RBFOX1: variants seen among roughly 807,000 people sequenced by gnomAD.
The protein encoded by RBFOX1 is RNA binding protein fox-1 homolog 1.
Under a neutral mutation model 57.7 loss-of-function variants are expected in RBFOX1, and 8 were observed. The ratio of observed to expected loss-of-function variants is 0.14; its 90% CI spans 0.08 to 0.25. RBFOX1 has a LOEUF of 0.25. Ranked by LOEUF, RBFOX1 falls within the 10% of genes least tolerant of loss-of-function variation. The pLI, the probability that RBFOX1 is intolerant of heterozygous loss-of-function variation, is 1.00. For missense variants in RBFOX1, 611 were observed against 548.5 expected, an observed-to-expected ratio of 1.11 and a Z score of -1.14; for synonymous variants, 326 against 222.4, an observed-to-expected ratio of 1.47 and a Z score of -4.15.
chr16:5,451,140 A>G (rs1404235537), intron 1 of RBFOX1, among the ~76,000 whole-genome samples: 1 of 152,206 alleles, frequency 6.6e-6, no homozygotes, highest in Non-Finnish European at 1.5e-5. Flanking sequence ...CTGTTGAACA[A>G]TATGGAGTCT....
chr16:6,744,573 G>T (rs910983786), intron 3 of RBFOX1, among the ~76,000 whole-genome samples: 2 of 152,086 alleles, frequency 1.3e-5, no homozygotes, highest in East Asian at 3.9e-4. Context: ...TGGAGAATAA[G>T]CCACACTTTA....
intron 4 of RBFOX1, among the ~76,000 whole-genome samples, chr16:7,469,505 C>G (rs2061168632): frequency 6.6e-6 from 1 of 152,244 alleles, no homozygotes; most frequent in Middle Eastern, 3.4e-3. Context: ...CTTCATATCT[C>G]AGCTTGCATG....
intron 3 of RBFOX1, among the ~76,000 whole-genome samples, chr16:6,761,303 G>A (rs951714620): frequency 2.6e-5 from 4 of 152,042 alleles, no homozygotes; most frequent in African/African-American, 7.2e-5. Context: ...TTGGATATTT[G>A]GTTGAAGCCT....
chr16:5,798,584 C>T (rs1049508632), intron 3 of RBFOX1, among the ~76,000 whole-genome samples: 5 of 152,284 alleles, frequency 3.3e-5, no homozygotes, highest in African/African-American at 9.6e-5. Flanking sequence ...ATTGTTAGGG[C>T]AACAGGAACT....
intron 1 of RBFOX1, among the ~76,000 whole-genome samples, chr16:6,219,299 T>C (rs934926291): frequency 1.3e-5 from 2 of 151,984 alleles, no homozygotes; most frequent in African/African-American, 4.8e-5. Flanking sequence ...GGAGACTGCA[T>C]CACTGCAAAA....
At chr16:7,703,669 T>C (rs1261482457) in intron 14 of RBFOX1, among the ~76,000 whole-genome samples, 10 of 152,208 alleles carry the variant, frequency 6.6e-5, no homozygotes, top group Non-Finnish European at 1.2e-4. Context: ...TAGGTGTACA[T>C]AGTACTTCTT....
intron 2 of RBFOX1, among the ~76,000 whole-genome samples, chr16:6,403,722 C>T (rs1026530959): frequency 2.6e-5 from 4 of 152,122 alleles, no homozygotes; most frequent in Non-Finnish European, 5.9e-5. Flanking sequence ...CTGGAGAGGA[C>T]ACCGAAGGAC....
chr16:6,284,451 C>A (rs1032519366), intron 1 of RBFOX1, among the ~76,000 whole-genome samples: 1 of 152,130 alleles, frequency 6.6e-6, no homozygotes, highest in South Asian at 2.1e-4. Flanking sequence ...CATTCACAAC[C>A]AGTGTTGAGG....
chr16:5,291,261 G>GTTTTTTT (rs71142610), intron 1 of RBFOX1, among the ~76,000 whole-genome samples: 2 of 118,812 alleles, frequency 1.7e-5, no homozygotes, highest in African/African-American at 3.3e-5. Flanking sequence ...TTTATCATTG[G>GTTTTTTT]TTTTTTTTTT....
At chr16:6,920,893 A>G (rs1252121537) in intron 3 of RBFOX1, among the ~76,000 whole-genome samples, 2 of 152,182 alleles carry the variant, frequency 1.3e-5, no homozygotes, top group African/African-American at 2.4e-5. Flanking sequence ...ACATTCACTG[A>G]TATCAGGGAT....
chr16:6,658,928 G>GTTTTTTTTTTTTTTTT (rs981949678), intron 3 of RBFOX1, among the ~76,000 whole-genome samples: 1 of 87,564 alleles, frequency 1.1e-5, no homozygotes, highest in Non-Finnish European at 2.5e-5. Context: ...TTGTTTTTTG[G>GTTTTTTTTTTTTTTTT]TTTTTTTGTT....
intron 1 of RBFOX1, among the ~76,000 whole-genome samples, chr16:6,186,045 C>T (rs1161613503): frequency 6.6e-6 from 1 of 152,132 alleles, no homozygotes; most frequent in African/African-American, 2.4e-5. Flanking sequence ...GTGTTTCTTG[C>T]AACGGAAGTA....
intron 4 of RBFOX1, chr16:7,510,121 C>G (rs968860192): frequency 3.0e-6 from 3 of 985,654 alleles, no homozygotes; most frequent in African/African-American, 3.5e-5. Flanking sequence ...TGGGAGCAGT[C>G]AGATGTTGAG....
At chr16:6,027,011 A>G (rs748319730) in intron 1 of RBFOX1, among the ~76,000 whole-genome samples, 21 of 152,252 alleles carry the variant, frequency 1.4e-4, no homozygotes, top group Non-Finnish European at 2.2e-4. Context: ...CTTTGCCAGC[A>G]TAATGGATGA....
At chr16:5,621,808 G>C (rs2048208872) in intron 3 of RBFOX1, among the ~76,000 whole-genome samples, 1 of 152,134 alleles carries the variant, frequency 6.6e-6, no homozygotes, top group Admixed American at 6.5e-5. Flanking sequence ...TTTGGATTTG[G>C]TGCAAATGTG....
At chr16:6,651,484 C>A (rs1300974901) in intron 2 of RBFOX1, among the ~76,000 whole-genome samples, 1 of 152,180 alleles carries the variant, frequency 6.6e-6, no homozygotes, top group Admixed American at 6.5e-5. Context: ...TTTGTAACCC[C>A]TGACTGCCGG....
chr16:6,664,696 A>G (rs1263615671), intron 3 of RBFOX1, among the ~76,000 whole-genome samples: 1 of 152,224 alleles, frequency 6.6e-6, no homozygotes, highest in Non-Finnish European at 1.5e-5. Context: ...TTCAGAACCC[A>G]CAGATAGGCA....
At chr16:7,289,823 C>G (rs1478926076) in intron 4 of RBFOX1, among the ~76,000 whole-genome samples, 1 of 152,104 alleles carries the variant, frequency 6.6e-6, no homozygotes, top group Non-Finnish European at 1.5e-5. Flanking sequence ...AAATAAGGAT[C>G]CAAGACTCAG....
At position 6,019,545 on chromosome 16, in the gene RBFOX1, G is replaced by A; in HGVS notation, c.-574G>A. 1 of 1,104,482 alleles carries A rather than the reference G, an allele frequency of 9.1e-7. No homozygotes were observed. The highest frequency in any genetic ancestry group is 1.1e-6 in the Non-Finnish European group (1 of 906,666). The allele number at this position is 1,104,482 out of a possible 1,614,324, so 68.4% of individuals were successfully genotyped here. A position where few individuals can be genotyped will look rare whatever the true frequency, so the allele number is the denominator to read the frequency against. On this transcript the variant is annotated 5_prime_UTR_variant, in exon 1 of 16. Transcript: ENST00000550418. The surrounding 1 kb of genome is among the most constrained non-coding windows in gnomAD (Gnocchi z 4.2). The stretch of plus-strand genomic sequence containing the variant: ...GGGCGCTCTGCCAGCCCCGGGAACA[G>A]CAGAGGCGGCGGCACTGGCTGGACC...
Sources: allele counts gnomAD v4.1 joint callset (sites outside exome capture counted in the v4.1 genomes callset), GRCh38; gene constraint gnomAD v4.1.1; non-coding constraint Gnocchi (gnomAD v3.1); transcripts MANE v1.5; gene names NCBI Gene and HGNC (gene_info 2026-07-23, HGNC 2026-07-21).